Variants in NR2F1-AS1 observed in about 807,000 individuals in gnomAD.
NR2F1-AS1 encodes NR2F1 regulatory antisense RNA 1, also known as NR2F1 antisense RNA 1.
chr5:93,458,370 G>A (rs1352670728), intron 4 of NR2F1-AS1, among the ~76,000 whole-genome samples: 1 of 152,086 alleles, frequency 6.6e-6, no homozygotes, highest in Non-Finnish European at 1.5e-5. Context: ...GAATAGCACT[G>A]AAAATACACT....
intron 4 of NR2F1-AS1, among the ~76,000 whole-genome samples, chr5:93,538,318 C>CA (rs1320827016): frequency 2.6e-5 from 4 of 151,872 alleles, no homozygotes; most frequent in African/African-American, 9.7e-5. Flanking sequence ...ACTAAAAATA[C>CA]AAAAAATTAG....
At chr5:93,548,795 C>T (rs1025516414) in intron 4 of NR2F1-AS1, among the ~76,000 whole-genome samples, 4 of 152,134 alleles carry the variant, frequency 2.6e-5, no homozygotes, top group South Asian at 2.1e-4. Context: ...CACTTGAACC[C>T]GGGAGGCAAA....
intron 1 of NR2F1-AS1, among the ~76,000 whole-genome samples, chr5:93,577,343 C>T (rs1256949538): frequency 6.6e-6 from 1 of 152,218 alleles, no homozygotes; most frequent in East Asian, 1.9e-4. Context: ...GCTACCAGAG[C>T]GATAGTAAAC....
chr5:93,523,444 T>C (rs972231382), intron 4 of NR2F1-AS1, among the ~76,000 whole-genome samples: 1 of 152,146 alleles, frequency 6.6e-6, no homozygotes, highest in African/African-American at 2.4e-5. Flanking sequence ...TAAACATTCC[T>C]GCCTGCCGGC....
At chr5:93,462,227 A>T (rs1229618987) in intron 4 of NR2F1-AS1, among the ~76,000 whole-genome samples, 2 of 152,078 alleles carry the variant, frequency 1.3e-5, no homozygotes, top group African/African-American at 2.4e-5. Context: ...GAGGTGATTG[A>T]GTTATGGGGG....
At chr5:93,503,934 G>A (rs1055485107) in intron 4 of NR2F1-AS1, among the ~76,000 whole-genome samples, 6 of 152,110 alleles carry the variant, frequency 3.9e-5, no homozygotes, top group African/African-American at 7.2e-5. Flanking sequence ...TGAGTCCTGT[G>A]AGTCCTCCTA....
intron 4 of NR2F1-AS1, among the ~76,000 whole-genome samples, chr5:93,479,322 T>C (rs1176079950): frequency 6.6e-6 from 1 of 152,200 alleles, no homozygotes; most frequent in Non-Finnish European, 1.5e-5. Context: ...TTCCCAGGCA[T>C]CAGCTGAAGG....
chr5:93,499,761 T>C (rs1751039667), intron 4 of NR2F1-AS1, among the ~76,000 whole-genome samples: 1 of 152,118 alleles, frequency 6.6e-6, no homozygotes, highest in East Asian at 1.9e-4. Context: ...GTTACGAATG[T>C]AAAGTAAAAG....
chr5:93,469,937 T>A (rs1404893606), intron 4 of NR2F1-AS1, among the ~76,000 whole-genome samples: 2 of 152,054 alleles, frequency 1.3e-5, no homozygotes, highest in Non-Finnish European at 2.9e-5. Context: ...ATAACAACTG[T>A]TTATAGTATT....
In NR2F1-AS1 at chr5:93,489,415, G is replaced by GTA. The variant is rs147424258; in HGVS notation, n.638+64344_638+64345dup. ...TAGGAGGAAGGTATTTTTAATTAAG[G>GTA]TATATATATATATATATTTTTAGGC... On this transcript the variant is annotated intron_variant and non_coding_transcript_variant, in intron 4 of 5. Coordinates refer to ENST00000660523, the Ensembl canonical transcript of NR2F1-AS1. Among the ~76,000 whole-genome samples, 421 of 148,696 alleles carry GTA rather than the reference G, an allele frequency of 2.8e-3. 8 individuals carry two copies. In the East Asian group the frequency reaches 0.032, roughly 11 times the overall value.
rs544125073 is a variant in NR2F1-AS1 at position 93,579,806 on chromosome 5, C to T, written n.313+661G>A. ...TGGCAGCGGCGCAGGGAGTCTGGCTCGGCTGCTAGGCTGCGAATCCCGGTG... is the reference window on the plus strand; with the variant it reads ...TGGCAGCGGCGCAGGGAGTCTGGCTTGGCTGCTAGGCTGCGAATCCCGGTG... On this transcript the variant is annotated intron_variant and non_coding_transcript_variant, in intron 1 of 5. Transcript: ENST00000660523. This position sits in a 1 kb window ranked among gnomAD's most constrained non-coding sequence, Gnocchi z 5.1. 6.6e-6 allele frequency among the ~76,000 whole-genome samples: 1 copy of T among 152,324 alleles called. No homozygotes were observed. The highest frequency in any genetic ancestry group is 2.4e-5 in the African/African-American group (1 of 41,572).
intron 4 of NR2F1-AS1, chr5:93,432,328 C>T (rs1749344537): frequency 6.6e-6 from 1 of 152,268 alleles, no homozygotes; most frequent in East Asian, 1.9e-4. Flanking sequence ...GAAACACCAA[C>T]ATCTCTATAT....
intron 2 of NR2F1-AS1, among the ~76,000 whole-genome samples, chr5:93,557,289 G>A (rs141733083): frequency 6.6e-6 from 1 of 152,132 alleles, no homozygotes; most frequent in Non-Finnish European, 1.5e-5. Flanking sequence ...TGAGTTACTT[G>A]ATGAGCAATA....
chr5:93,581,014 T>C (rs2149936077), upstream of NR2F1-AS1: 1 of 152,344 alleles, frequency 6.6e-6, no homozygotes, highest in Non-Finnish European at 1.5e-5. Context: ...CACTAAGCGG[T>C]CGCCGACTCC....
chr5:93,475,240 T>C (rs981523525), intron 4 of NR2F1-AS1, among the ~76,000 whole-genome samples: 6 of 152,168 alleles, frequency 3.9e-5, no homozygotes, highest in African/African-American at 9.7e-5. Flanking sequence ...AAGGACTATA[T>C]GATCCAAAAA....
chr5:93,549,305 T>C (rs1294136791), intron 4 of NR2F1-AS1, among the ~76,000 whole-genome samples: 1 of 152,154 alleles, frequency 6.6e-6, no homozygotes, highest in Non-Finnish European at 1.5e-5. Context: ...GGATTTTTTA[T>C]AAAATATATC....
chr5:93,575,041 C>T (rs566861293), intron 1 of NR2F1-AS1, among the ~76,000 whole-genome samples: 4 of 152,350 alleles, frequency 2.6e-5, no homozygotes, highest in Non-Finnish European at 5.9e-5. Flanking sequence ...CAAGTCCCAG[C>T]CCTGACAGCC....
At chr5:93,448,225 A>G (rs1749758308) in intron 4 of NR2F1-AS1, among the ~76,000 whole-genome samples, 1 of 152,184 alleles carries the variant, frequency 6.6e-6, no homozygotes, top group African/African-American at 2.4e-5. Flanking sequence ...ACTCCCACTT[A>G]TAACACAGAT....
At chr5:93,483,775 A>G (rs1405670978) in intron 4 of NR2F1-AS1, among the ~76,000 whole-genome samples, 1 of 152,244 alleles carries the variant, frequency 6.6e-6, no homozygotes, top group Non-Finnish European at 1.5e-5. Context: ...TGGAGCTCAA[A>G]AACACAGCAT....
Sources: allele counts gnomAD v4.1 joint callset (sites outside exome capture counted in the v4.1 genomes callset), GRCh38; gene constraint gnomAD v4.1.1; non-coding constraint Gnocchi (gnomAD v3.1); transcripts MANE v1.5; gene names NCBI Gene and HGNC (gene_info 2026-07-23, HGNC 2026-07-21).